PDZRN3: variants seen among roughly 807,000 people sequenced by gnomAD.
PDZRN3 encodes the protein PDZ domain containing ring finger 3, also known as E3 ubiquitin-protein ligase PDZRN3.
Under a neutral mutation model 85.7 loss-of-function variants are expected in PDZRN3, and 38 were observed. The observed-to-expected ratio is 0.44, with a 90% confidence interval of 0.34 to 0.58. PDZRN3 has a LOEUF of 0.58. PDZRN3 is among the 20% of genes least tolerant of loss of function. The pLI is 0.01. For synonymous variants in PDZRN3, 759 were observed against 638.0 expected (o/e 1.19, Z -2.86); for missense variants, 1,629 against 1,506.4 (o/e 1.08, Z -1.35).
At chr3:73,453,646 T>C (rs1702920153) in intron 3 of PDZRN3, among the ~76,000 whole-genome samples, 1 of 151,950 alleles carries the variant, frequency 6.6e-6, no homozygotes, top group Admixed American at 6.6e-5. Flanking sequence ...AATGATTTTG[T>C]AGAATTAGCA....
At chr3:73,488,038 A>G (rs578076012) in intron 3 of PDZRN3, among the ~76,000 whole-genome samples, 1 of 149,602 alleles carries the variant, frequency 6.7e-6, no homozygotes, top group African/African-American at 2.5e-5. Flanking sequence ...CGGTGGCACT[A>G]GGCTTTTATA....
chr3:73,431,197 C>T (rs1011385030), intron 3 of PDZRN3, among the ~76,000 whole-genome samples: 3 of 152,090 alleles, frequency 2.0e-5, no homozygotes, highest in Admixed American at 2.0e-4. Flanking sequence ...TTTGCAATGC[C>T]CTTTAATGAC....
At chr3:73,440,633 G>A (rs980033299) in intron 3 of PDZRN3, among the ~76,000 whole-genome samples, 6 of 152,160 alleles carry the variant, frequency 3.9e-5, no homozygotes, top group South Asian at 2.1e-4. Context: ...TCCCGAGGGC[G>A]GTTCCCGAGC....
At chr3:73,453,568 A>G (rs1559687716) in intron 3 of PDZRN3, among the ~76,000 whole-genome samples, 1 of 151,634 alleles carries the variant, frequency 6.6e-6, no homozygotes, top group Non-Finnish European at 1.5e-5. Context: ...TTCAATATAT[A>G]GATATATGAA....
chr3:73,486,643 A>C (rs1225862674), intron 3 of PDZRN3, among the ~76,000 whole-genome samples: 3 of 152,218 alleles, frequency 2.0e-5, no homozygotes, highest in African/African-American at 2.4e-5. Flanking sequence ...ATTTTACCAT[A>C]ATTTTAAAAG....
chr3:73,575,239 A>G (rs971068954), intron 3 of PDZRN3, among the ~76,000 whole-genome samples: 1 of 152,196 alleles, frequency 6.6e-6, no homozygotes, highest in Non-Finnish European at 1.5e-5. Flanking sequence ...GAGCAAATAC[A>G]GTATGTGTGT....
intron 3 of PDZRN3, among the ~76,000 whole-genome samples, chr3:73,546,209 C>A (rs1701419521): frequency 1.3e-5 from 2 of 152,186 alleles, no homozygotes; most frequent in African/African-American, 4.8e-5. Context: ...TTCTGTTTCT[C>A]CACCTGGCAT....
chr3:73,394,183 C>A (rs547425712), intron 5 of PDZRN3, among the ~76,000 whole-genome samples: 3 of 152,288 alleles, frequency 2.0e-5, no homozygotes, highest in African/African-American at 4.8e-5. Context: ...TCCTTACACA[C>A]TTTTTATACG....
rs149337815 is a variant in PDZRN3 at position 73,429,927 on chromosome 3, C to T, written c.919-25532G>A. 2.0e-5 allele frequency among the ~76,000 whole-genome samples: 3 copies of T among 152,308 alleles called. No homozygotes were observed. In the East Asian group the frequency reaches 5.8e-4, roughly 29 times the overall value. On this transcript the variant is annotated intron_variant, in intron 3 of 9. Coordinates refer to ENST00000263666, the MANE Select transcript of PDZRN3 (RefSeq NM_015009.3). ...TAGGAACCTTTCTCAGGAGGTACCA[C>T]GTAGCACCTGGGCCTGTCTGAGACA...
chr3:73,605,149 G>C (rs1702578301), intron 2 of PDZRN3, among the ~76,000 whole-genome samples: 1 of 151,692 alleles, frequency 6.6e-6, no homozygotes, highest in Non-Finnish European at 1.5e-5. Flanking sequence ...AGAGGTTGCA[G>C]TGAGCCAAGA....
chr3:73,433,828 C>G, intron 3 of PDZRN3: 1 of 1,465,800 alleles, frequency 6.8e-7, no homozygotes, highest in Non-Finnish European at 9.0e-7. Flanking sequence ...GCGACTGCAA[C>G]GCTTCACATT....
intron 2 of PDZRN3, 134 bp downstream of exon 2, chr3:73,608,464 C>A: frequency 1.5e-6 from 1 of 686,842 alleles, no homozygotes; most frequent in South Asian, 1.6e-5. Flanking sequence ...GTTAGACAGC[C>A]AATGAACCCT....
chr3:73,588,900 G>C (rs1252307835), intron 3 of PDZRN3, among the ~76,000 whole-genome samples: 1 of 152,204 alleles, frequency 6.6e-6, no homozygotes, highest in Non-Finnish European at 1.5e-5. Context: ...GATGCAAAAT[G>C]CTAAACAGGC....
intron 3 of PDZRN3, among the ~76,000 whole-genome samples, chr3:73,501,618 C>T (rs181154260): frequency 4.6e-5 from 7 of 152,262 alleles, no homozygotes; most frequent in Admixed American, 2.0e-4. Context: ...GGATGCAACG[C>T]GAGGCTCTCA....
At chr3:73,486,024 T>C (rs1015948978) in intron 3 of PDZRN3, among the ~76,000 whole-genome samples, 10 of 152,246 alleles carry the variant, frequency 6.6e-5, no homozygotes, top group African/African-American at 2.4e-4. Flanking sequence ...GCACACAGCA[T>C]GGAATGCGGC....
At chr3:73,540,081 T>G (rs1320230888) in intron 3 of PDZRN3, among the ~76,000 whole-genome samples, 2 of 116,448 alleles carry the variant, frequency 1.7e-5, no homozygotes, top group Non-Finnish European at 3.4e-5. Context: ...CTGAAAACTG[T>G]TGGATGAAAA....
At chr3:73,623,362 A>C (rs1702897794) in intron 1 of PDZRN3, among the ~76,000 whole-genome samples, 1 of 152,184 alleles carries the variant, frequency 6.6e-6, no homozygotes, top group African/African-American at 2.4e-5. Flanking sequence ...CTTAATTATT[A>C]CTTTATACTT....
intron 3 of PDZRN3, chr3:73,569,207 T>A: frequency 7.8e-7 from 1 of 1,289,278 alleles, no homozygotes; most frequent in Non-Finnish European, 1.0e-6. Flanking sequence ...GGAATCAGAT[T>A]TCTGAAGGTC....
At chr3:73,566,106 T>A (rs984294349) in intron 3 of PDZRN3, among the ~76,000 whole-genome samples, 9 of 152,232 alleles carry the variant, frequency 5.9e-5, no homozygotes, top group Non-Finnish European at 1.3e-4. Context: ...TGTGACATGA[T>A]CATTGTTTGA....
Sources: gnomAD v4.1 joint callset for allele counts (sites outside exome capture counted in the v4.1 genomes callset) on GRCh38, gnomAD v4.1.1 for gene constraint, MANE v1.5 for transcripts, NCBI Gene and HGNC (gene_info 2026-07-23, HGNC 2026-07-21) for gene names.